The following OLFM2 variants were observed in gnomAD, a reference collection of about 807,000 sequenced individuals.
OLFM2 encodes olfactomedin 2, also known as noelin-2.
Under a neutral mutation model 43.9 loss-of-function variants are expected in OLFM2, and 20 were observed. The observed-to-expected ratio is 0.46, with a 90% confidence interval of 0.32 to 0.66. OLFM2 has a LOEUF of 0.66. OLFM2 is among the 30% of genes least tolerant of loss of function. The probability of loss-of-function intolerance (pLI) is 0.04; values close to 1 mark genes in which losing one functional copy is unlikely to be tolerated. For missense variants in OLFM2, 416 were observed against 643.6 expected, an observed-to-expected ratio of 0.65 and a Z score of 3.83; for synonymous variants, 268 against 278.6, an observed-to-expected ratio of 0.96 and a Z score of 0.38.
chr19:9,929,092 G>A lies in OLFM2; in HGVS notation c.63+7212C>T, dbSNP rs541784466. Among the ~76,000 whole-genome samples the A allele has an allele frequency of 2.0e-5, 3 of 152,162 alleles. No individual in the cohort carries two copies. The East Asian group carries it at 5.8e-4, about 29-fold the overall frequency. On this transcript the variant is annotated intron_variant, in intron 1 of 5. Coordinates refer to ENST00000264833, the MANE Select transcript of OLFM2 (RefSeq NM_058164.4). ...ATAGAATGGGCTTCCACCTTGGCAG[G>A]GAGGACATGTCAATGTTCTCAGACA...
intron 1 of OLFM2, among the ~76,000 whole-genome samples, chr19:9,901,983 C>T (rs1216902063): frequency 6.6e-6 from 1 of 152,096 alleles, no homozygotes; most frequent in Non-Finnish European, 1.5e-5. Flanking sequence ...GTGTACAATT[C>T]GTGAGCCCAC....
intron 1 of OLFM2, among the ~76,000 whole-genome samples, chr19:9,893,940 G>C (rs920986121): frequency 1.3e-5 from 2 of 152,020 alleles, no homozygotes; most frequent in African/African-American, 4.8e-5. Context: ...CTCTATCTGA[G>C]CTCTCCCCAG....
At chr19:9,907,274 C>CTGAA (rs1225705411) in intron 1 of OLFM2, among the ~76,000 whole-genome samples, 6 of 151,926 alleles carry the variant, frequency 3.9e-5, no homozygotes, top group African/African-American at 1.2e-4. Flanking sequence ...GGCTAACATG[C>CTGAA]TGAAACCCCA....
In OLFM2 at chr19:9,857,381, C is replaced by G. The variant is rs376237976; in HGVS notation, c.462G>C (p.Arg154Ser). Residue 154 changes from arginine to serine, a missense_variant, in exon 4 of 6, where the codon AGG becomes AGC. Arg to Ser is a moderately radical substitution (Grantham distance 110). Transcript: ENST00000264833. The surrounding 1 kb of genome is among the most constrained non-coding windows in gnomAD (Gnocchi z 5.7). ...RTIVRLREEV[R>S]NLSGSLAAIQ... ...TGGCCGCCAGACTGCCGGAGAGATT[C>G]CTCACCTCCTCCCGCAAGCGTACAA... is the stretch of plus-strand genomic sequence containing the variant. The G allele has an allele frequency of 2.5e-6, 4 of 1,614,184 alleles. No homozygotes were observed. The South Asian group carries it at 4.4e-5, about 18-fold the overall frequency.
In OLFM2 at chr19:9,856,022, C is replaced by A. The variant is rs1202428741; in HGVS notation, c.687+785G>T. Among the ~76,000 whole-genome samples the A allele has an allele frequency of 1.3e-5, 2 of 152,108 alleles. No homozygotes were observed. Among genetic ancestry groups the A allele is most frequent in the African/African-American group, 4.8e-5 (2 of 41,390 alleles). ...GAATTCACTGCCATGGTTAACTAAC[C>A]CCTGTCACCATGAGGTGACCAGGCG... is the stretch of plus-strand genomic sequence containing the variant. On this transcript the variant is annotated intron_variant, in intron 5 of 5. Transcript: ENST00000264833. The surrounding 1 kb of genome is among the most constrained non-coding windows in gnomAD (Gnocchi z 4.0).
At chr19:9,882,799 C>G (rs900438396) in intron 1 of OLFM2, among the ~76,000 whole-genome samples, 1 of 150,526 alleles carries the variant, frequency 6.6e-6, no homozygotes, top group Non-Finnish European at 1.5e-5. Flanking sequence ...AGCCTCAGCA[C>G]CTCAGGAGGC....
chr19:9,935,380 C>T (rs934679971), intron 1 of OLFM2, among the ~76,000 whole-genome samples: 8 of 152,038 alleles, frequency 5.3e-5, no homozygotes, highest in Non-Finnish European at 1.0e-4. Flanking sequence ...GCGTGGACGC[C>T]CCACATTTTG....
rs985727456 is a variant in OLFM2 at position 9,901,231 on chromosome 19, AAAAG to A, written c.63+35069_63+35072del. The stretch of plus-strand genomic sequence containing the variant: ...GGAAAGAAAGAAAGGAGAAAAAAAA[AAAAG>A]GAAGGAAAGAAGAAAGAAAGGGAGG... On this transcript the variant is annotated intron_variant, in intron 1 of 5. Coordinates refer to ENST00000264833, the MANE Select transcript of OLFM2 (RefSeq NM_058164.4). Among the ~76,000 whole-genome samples the A allele has an allele frequency of 1.7e-3, 255 of 147,388 alleles. 2 individuals carry two copies. The highest frequency in any genetic ancestry group is 3.9e-4 in the Non-Finnish European group (26 of 66,816).
intron 1 of OLFM2, among the ~76,000 whole-genome samples, chr19:9,902,511 T>C (rs1284589808): frequency 6.6e-6 from 1 of 151,678 alleles, no homozygotes; most frequent in African/African-American, 2.4e-5. Context: ...GCTTCCCGAG[T>C]AGCTAGGATT....
intron 1 of OLFM2, among the ~76,000 whole-genome samples, chr19:9,873,310 C>T (rs764609497): frequency 2.1e-4 from 32 of 152,102 alleles, no homozygotes; most frequent in African/African-American, 3.4e-4. Context: ...CACACCACCA[C>T]GCCAGGCTAA....
intron 1 of OLFM2, among the ~76,000 whole-genome samples, chr19:9,924,753 T>C (rs2086442329): frequency 6.6e-6 from 1 of 152,150 alleles, no homozygotes; most frequent in Admixed American, 6.6e-5. Context: ...AAGTGTAGTC[T>C]AGTGTTTCTA....
At chr19:9,911,952 G>A (rs1438795259) in intron 1 of OLFM2, among the ~76,000 whole-genome samples, 2 of 152,038 alleles carry the variant, frequency 1.3e-5, no homozygotes, top group African/African-American at 4.8e-5. Flanking sequence ...CCATAGTCAG[G>A]GACAGGCAAT....
At chr19:9,878,076 C>T (rs1168856460) in intron 1 of OLFM2, among the ~76,000 whole-genome samples, 4 of 152,080 alleles carry the variant, frequency 2.6e-5, no homozygotes, top group Non-Finnish European at 4.4e-5. Flanking sequence ...GTCTTGAACT[C>T]CTGGGCTCAA....
chr19:9,902,589 T>C (rs1233328216), intron 1 of OLFM2, among the ~76,000 whole-genome samples: 1 of 152,008 alleles, frequency 6.6e-6, no homozygotes, highest in Non-Finnish European at 1.5e-5. Flanking sequence ...GTTTTCACCA[T>C]GTTGGCCAGG....
At chr19:9,878,213 C>T (rs1200422220) in intron 1 of OLFM2, among the ~76,000 whole-genome samples, 1 of 151,936 alleles carries the variant, frequency 6.6e-6, no homozygotes, top group East Asian at 1.9e-4. Flanking sequence ...GGGACACATA[C>T]GCAACGTGAT....
At chr19:9,927,606 C>G (rs1055778667) in intron 1 of OLFM2, among the ~76,000 whole-genome samples, 37 of 152,188 alleles carry the variant, frequency 2.4e-4, no homozygotes, top group African/African-American at 8.2e-4. Flanking sequence ...CCAGGAAGCC[C>G]ACTTGACTCT....
intron 1 of OLFM2, among the ~76,000 whole-genome samples, chr19:9,878,838 C>G (rs1294500016): frequency 6.6e-6 from 1 of 152,178 alleles, no homozygotes; most frequent in African/African-American, 2.4e-5. Flanking sequence ...GGCTCTATCT[C>G]TGGGCTCCAG....
chr19:9,923,528 G>C (rs2086432920), intron 1 of OLFM2, among the ~76,000 whole-genome samples: 1 of 140,776 alleles, frequency 7.1e-6, no homozygotes, highest in South Asian at 2.2e-4. Flanking sequence ...CTGCACTCCA[G>C]CCTAGGCAAC....
At position 9,888,450 on chromosome 19, in the gene OLFM2, G is replaced by GT. The variant is rs1343975370; in HGVS notation, c.64-27657_64-27656insA. On this transcript the variant is annotated intron_variant, in intron 1 of 5. Transcript: ENST00000264833. ...GAGGCAGGAGAATCGCTTGAGCCTG[G>GT]GGGGCGGAGGTTGCGGTGAGCTGAG... Among the ~76,000 whole-genome samples, 17 of 150,942 alleles carry GT rather than the reference G, an allele frequency of 1.1e-4. No individual in the cohort carries two copies. In the South Asian group the frequency reaches 2.3e-3, roughly 21 times the overall value.
Sources: allele counts gnomAD v4.1 joint callset (sites outside exome capture counted in the v4.1 genomes callset), GRCh38; gene constraint gnomAD v4.1.1; non-coding constraint Gnocchi (gnomAD v3.1); transcripts MANE v1.5; gene names NCBI Gene and HGNC (gene_info 2026-07-23, HGNC 2026-07-21).